The following TEX2 variants were observed in gnomAD, a reference collection of about 807,000 sequenced individuals.
TEX2 encodes testis-expressed protein 2.
A neutral mutation model predicts 106.9 loss-of-function variants in TEX2; 53 were observed. The observed-to-expected ratio is 0.50, with a 90% confidence interval of 0.40 to 0.62. The LOEUF (loss-of-function observed/expected upper bound fraction) is 0.62, where lower values mean the gene tolerates loss of function less well. TEX2 is among the 20% of genes least tolerant of loss of function. The pLI, the probability that TEX2 is intolerant of heterozygous loss-of-function variation, is 0.00. For synonymous variants in TEX2, 523 were observed against 534.8 expected (o/e 0.98, Z 0.30); for missense variants, 1,207 against 1,379.0 (o/e 0.88, Z 1.98).
rs376329461 is a variant in TEX2, at chr17:64,177,405, T to C, written c.2491A>G (p.Ile831Val). The C allele has an allele frequency of 3.7e-6, 6 of 1,614,208 alleles. No individual in the cohort carries two copies. Among genetic ancestry groups the C allele is most frequent in the Non-Finnish European group, 5.1e-6 (6 of 1,180,028 alleles). ...TTCTCTCCTAAGAAGTCCCAAAATA[T>C]TCTTCCAAGCAAGGCATTCACCCAG... ...EAWVNALLGR[I>V]FWDFLGEKYW... Residue 831 changes from isoleucine to valine, a missense_variant, in exon 6 of 12, where the codon ATA (isoleucine) becomes GTA (valine). This residue lies in a region of TEX2 where 1,067 missense variants were observed against 1,193.6 expected (regional missense o/e 0.89). Transcript: ENST00000584379.
intron 5 of TEX2, among the ~76,000 whole-genome samples, chr17:64,183,620 A>AT (rs2031966668): frequency 6.6e-6 from 1 of 151,690 alleles, no homozygotes; most frequent in African/African-American, 2.4e-5. Flanking sequence ...TAGAGATGGG[A>AT]TTTTGCCATG....
rs1316796880 is a variant in TEX2 at position 64,149,063 on chromosome 17, TCATC to T, written c.3286_3289del (p.Asp1096MetfsTer6). On this transcript the variant is annotated frameshift_variant, in exon 12 of 12. Transcript: ENST00000584379. LOFTEE classifies it high-confidence loss of function. ...TGAGTGCATTATAGTGATATAAACATCATCCATGTTTGGCATGACAAAAACTTTC... is the reference window on the plus strand; with the variant it reads ...TGAGTGCATTATAGTGATATAAACATCATGTTTGGCATGACAAAAACTTTC... 6.2e-7 allele frequency: 1 copy of T among 1,614,074 alleles called. No individual in the cohort carries two copies. The highest frequency in any genetic ancestry group is 8.5e-7 in the Non-Finnish European group (1 of 1,179,966).
intron 2 of TEX2, among the ~76,000 whole-genome samples, chr17:64,200,173 A>G (rs1555629923): frequency 6.6e-6 from 1 of 152,116 alleles, no homozygotes; most frequent in African/African-American, 2.4e-5. Flanking sequence ...TAATTAATAG[A>G]CAAACATATC....
chr17:64,185,879 G>A lies in TEX2; in HGVS notation c.2424+2289C>T, dbSNP rs572984519. On this transcript the variant is annotated intron_variant, in intron 5 of 11. Transcript: ENST00000584379. The surrounding 1 kb of genome is among the most constrained non-coding windows in gnomAD (Gnocchi z 4.0). ...GGAGATGGCAGTGAGCCAAGATCAC[G>A]CCATTGCACTCCAGCCTGGGGAAAA... Among the ~76,000 whole-genome samples the A allele has an allele frequency of 3.3e-5, 5 of 152,100 alleles. No homozygotes were observed. The East Asian group carries it at 5.8e-4, about 18-fold the overall frequency.
intron 8 of TEX2, chr17:64,156,267 A>G (rs1275597807): frequency 6.6e-6 from 1 of 152,318 alleles, no homozygotes; most frequent in African/African-American, 2.4e-5. Context: ...TGGAAACAGG[A>G]GCCGGCTGTA....
At chr17:64,207,902 A>AT (rs1314632003) in intron 2 of TEX2, among the ~76,000 whole-genome samples, 3 of 151,798 alleles carry the variant, frequency 2.0e-5, no homozygotes, top group Admixed American at 6.6e-5. Context: ...CGCCCAGCTA[A>AT]TTTTTTTGTA....
chr17:64,212,467 C>T lies in TEX2; in HGVS notation c.1644+107G>A, dbSNP rs533525574. The T allele has an allele frequency of 2.6e-5, 27 of 1,045,840 alleles. No homozygotes were observed. The East Asian group carries it at 4.0e-4, about 16-fold the overall frequency. 64.8% of individuals were successfully genotyped at this position (1,045,840 alleles called of 1,614,324 possible). ...AGTGGCCCCAAGCTCTTAAAAAACA[C>T]GGCCTGTGCAAAAATCTTTAACAGC... On this transcript the variant is annotated intron_variant, in intron 2 of 11. Coordinates refer to ENST00000584379, the MANE Select transcript of TEX2 (RefSeq NM_001288732.2).
chr17:64,176,248 G>A (rs1378876347), intron 6 of TEX2, among the ~76,000 whole-genome samples: 1 of 152,152 alleles, frequency 6.6e-6, no homozygotes, highest in Admixed American at 6.5e-5. Flanking sequence ...GCCAGAGCTT[G>A]ACAAGGCCAG....
At chr17:64,247,589 G>T (rs1335766752) in intron 1 of TEX2, among the ~76,000 whole-genome samples, 1 of 152,210 alleles carries the variant, frequency 6.6e-6, no homozygotes, top group Non-Finnish European at 1.5e-5. Context: ...GGCCAGGCTT[G>T]CGCACGGATG....
chr17:64,165,547 G>T (rs1567911398), intron 7 of TEX2, among the ~76,000 whole-genome samples: 1 of 152,240 alleles, frequency 6.6e-6, no homozygotes, highest in Non-Finnish European at 1.5e-5. Flanking sequence ...TGGTGCTCAG[G>T]CCCAGGCAGC....
At chr17:64,188,129 C>A in intron 5 of TEX2, 39 bp downstream of exon 5, 1 of 1,589,360 alleles carries the variant, frequency 6.3e-7, no homozygotes, top group South Asian at 1.1e-5. Context: ...GTGTCTAAGT[C>A]GAAAAGTGAA....
intron 1 of TEX2, among the ~76,000 whole-genome samples, chr17:64,220,506 A>G (rs948022834): frequency 2.0e-5 from 3 of 151,766 alleles, no homozygotes; most frequent in African/African-American, 7.3e-5. Context: ...AAACAAACGT[A>G]CAAGAAAAAA....
At chr17:64,234,259 A>G (rs1007589562) in intron 1 of TEX2, among the ~76,000 whole-genome samples, 1 of 152,232 alleles carries the variant, frequency 6.6e-6, no homozygotes, top group Non-Finnish European at 1.5e-5. Flanking sequence ...TGATGGCTGT[A>G]TTGGGGCTCC....
intron 1 of TEX2, among the ~76,000 whole-genome samples, chr17:64,256,539 C>A (rs1170431818): frequency 6.6e-6 from 1 of 152,168 alleles, no homozygotes; most frequent in African/African-American, 2.4e-5. Context: ...CTGCCCAAGA[C>A]CCCCAGTTGC....
In TEX2 at chr17:64,217,214, G is replaced by A. The variant is rs1555632760; in HGVS notation, c.-25-2972C>T. 1.3e-5 allele frequency among the ~76,000 whole-genome samples: 2 copies of A among 152,142 alleles called. No individual in the cohort carries two copies. Among genetic ancestry groups the A allele is most frequent in the Non-Finnish European group, 1.5e-5 (1 of 68,018 alleles). On this transcript the variant is annotated intron_variant, in intron 1 of 11. Coordinates refer to ENST00000584379, the MANE Select transcript of TEX2 (RefSeq NM_001288732.2). This position sits in a 1 kb window ranked among gnomAD's most constrained non-coding sequence, Gnocchi z 4.3. ...GTTTGGGCTCTAGACAACCTATCAA[G>A]TGGTCACTGCCTCTGCCTCCTCCTG...
At chr17:64,209,279 T>G (rs782475114) in intron 2 of TEX2, among the ~76,000 whole-genome samples, 8 of 152,226 alleles carry the variant, frequency 5.3e-5, no homozygotes, top group Non-Finnish European at 1.0e-4. Flanking sequence ...CAAAGAACAT[T>G]TGCATTTGAA....
intron 6 of TEX2, among the ~76,000 whole-genome samples, chr17:64,173,552 G>T (rs1381655394): frequency 6.6e-6 from 1 of 152,122 alleles, no homozygotes; most frequent in Non-Finnish European, 1.5e-5. Flanking sequence ...TGTTAAAAAG[G>T]TTATAATGTC....
chr17:64,149,719 C>T (rs1251484480), intron 11 of TEX2: 1 of 152,182 alleles, frequency 6.6e-6, no homozygotes, highest in African/African-American at 2.4e-5. Context: ...AGATCGAGAC[C>T]ATCCTGGCTA....
chr17:64,215,988 C>T (rs1235645494), intron 1 of TEX2, among the ~76,000 whole-genome samples: 2 of 152,188 alleles, frequency 1.3e-5, no homozygotes, highest in Non-Finnish European at 2.9e-5. Flanking sequence ...CCAGCTGCAA[C>T]ATGGACTCAA....
Sources: gnomAD v4.1 joint callset for allele counts (sites outside exome capture counted in the v4.1 genomes callset) on GRCh38, gnomAD v4.1.1 for gene constraint, gnomAD v4.1.1 regional missense constraint, Gnocchi (gnomAD v3.1) non-coding constraint, MANE v1.5 for transcripts, NCBI Gene and HGNC (gene_info 2026-07-23, HGNC 2026-07-21) for gene names.